The following ADCY2 variants were observed in gnomAD, a reference collection of about 807,000 sequenced individuals.
ADCY2 encodes the protein adenylate cyclase type 2.
In ADCY2, 31 loss-of-function variants were observed where a neutral mutation model predicts 125.2. The observed-to-expected ratio is 0.25, with a 90% confidence interval of 0.19 to 0.33. The LOEUF (loss-of-function observed/expected upper bound fraction) is 0.33, where lower values mean the gene tolerates loss of function less well. Ranked by LOEUF, ADCY2 falls within the 10% of genes least tolerant of loss-of-function variation. The pLI is 1.00. For synonymous variants in ADCY2, 512 were observed against 548.4 expected (o/e 0.93, Z 0.93); for missense variants, 904 against 1,418.2 (o/e 0.64, Z 5.82).
At chr5:7,776,853 G>C (rs1743743687) in intron 18 of ADCY2, among the ~76,000 whole-genome samples, 1 of 152,042 alleles carries the variant, frequency 6.6e-6, no homozygotes. Context: ...AAGGTTCTTT[G>C]GCCTTTGGAC....
At position 7,716,955 on chromosome 5, in the gene ADCY2, T is replaced by G. The variant is rs947645683; in HGVS notation, c.1623-202T>G. On this transcript the variant is annotated intron_variant, in intron 11 of 24. Coordinates refer to ENST00000338316, the MANE Select transcript of ADCY2 (RefSeq NM_020546.3). ...TTCAAAGTAGTCAGAAGAGAGAATT[T>G]GAAATGTTTCCAACACATAGAAATG... Among the ~76,000 whole-genome samples, 4 of 152,302 alleles carry G rather than the reference T, an allele frequency of 2.6e-5. No individual in the cohort carries two copies. The South Asian group carries it at 6.2e-4, about 24-fold the overall frequency.
chr5:7,616,788 T>C (rs150112364), intron 3 of ADCY2, among the ~76,000 whole-genome samples: 146 of 152,298 alleles, frequency 9.6e-4, no homozygotes, highest in African/African-American at 3.4e-3. Flanking sequence ...GCTAACCACC[T>C]CAGAATGTGA....
At chr5:7,819,264 A>G (rs1368434702) in intron 23 of ADCY2, among the ~76,000 whole-genome samples, 1 of 152,220 alleles carries the variant, frequency 6.6e-6, no homozygotes, top group African/African-American at 2.4e-5. Context: ...ACCTAGGAAC[A>G]GTACCTTGCA....
At chr5:7,707,572 T>C in intron 8 of ADCY2, 134 bp from the exon 9 acceptor site, 1 of 1,042,384 alleles carries the variant, frequency 9.6e-7, no homozygotes, top group Non-Finnish European at 1.4e-6. Context: ...GTCAATAGAA[T>C]ATAAACTTTA....
intron 15 of ADCY2, among the ~76,000 whole-genome samples, chr5:7,745,043 G>T (rs182136747): frequency 2.6e-5 from 4 of 152,142 alleles, no homozygotes; most frequent in Non-Finnish European, 5.9e-5. Context: ...TTCTGCATGC[G>T]TTTATAGTTT....
chr5:7,810,763 T>G (rs887826934), intron 22 of ADCY2, among the ~76,000 whole-genome samples: 1 of 151,970 alleles, frequency 6.6e-6, no homozygotes. Context: ...AGACTGGGAG[T>G]GTTCTCTCCA....
At chr5:7,602,099 G>C (rs79426004) in intron 3 of ADCY2, among the ~76,000 whole-genome samples, 1,700 of 152,258 alleles carry the variant, frequency 0.011, 37 homozygotes, top group African/African-American at 0.039. Context: ...AAGGACATTT[G>C]TCATTGGATT....
At chr5:7,589,054 A>AT (rs1194135430) in intron 3 of ADCY2, among the ~76,000 whole-genome samples, 1 of 152,220 alleles carries the variant, frequency 6.6e-6, no homozygotes, top group Non-Finnish European at 1.5e-5. Flanking sequence ...AACTAAAGTG[A>AT]TTAAATTTAA....
At chr5:7,418,482 GGCAGGGTGTGTGCCTCAT>G (rs1318917818) in intron 2 of ADCY2, among the ~76,000 whole-genome samples, 6 of 152,052 alleles carry the variant, frequency 3.9e-5, no homozygotes, top group African/African-American at 1.5e-4. Context: ...CAGGAGCATT[GGCAGGGTGTGTGCCTCAT>G]GCAGTGGACC....
At chr5:7,558,518 C>T (rs1207241609) in intron 3 of ADCY2, among the ~76,000 whole-genome samples, 1 of 152,118 alleles carries the variant, frequency 6.6e-6, no homozygotes, top group Non-Finnish European at 1.5e-5. Flanking sequence ...CCTTTGCCCA[C>T]TTTTTAATGG....
intron 3 of ADCY2, among the ~76,000 whole-genome samples, chr5:7,577,436 G>C (rs759620811): frequency 6.6e-6 from 1 of 152,138 alleles, no homozygotes; most frequent in Non-Finnish European, 1.5e-5. Flanking sequence ...ATGGGATTTT[G>C]ATACTCATAT....
At chr5:7,698,817 T>G (rs1205892066) in intron 7 of ADCY2, among the ~76,000 whole-genome samples, 1 of 152,212 alleles carries the variant, frequency 6.6e-6, no homozygotes, top group Non-Finnish European at 1.5e-5. Flanking sequence ...TTCCAAGACT[T>G]TGCTATTGTG....
chr5:7,422,891 A>G (rs552262609), intron 2 of ADCY2, among the ~76,000 whole-genome samples: 4 of 152,286 alleles, frequency 2.6e-5, no homozygotes, highest in East Asian at 1.9e-4. Context: ...CTTTTCCTCT[A>G]GTGCAGTCAC....
At chr5:7,751,920 T>G (rs1742837811) in intron 15 of ADCY2, among the ~76,000 whole-genome samples, 1 of 152,120 alleles carries the variant, frequency 6.6e-6, no homozygotes, top group Admixed American at 6.5e-5. Context: ...AGTCCATCAT[T>G]AAAAATAGTA....
At chr5:7,612,963 C>T (rs2126645548) in intron 3 of ADCY2, among the ~76,000 whole-genome samples, 1 of 152,202 alleles carries the variant, frequency 6.6e-6, no homozygotes, top group Admixed American at 6.5e-5. Flanking sequence ...TTGCAGTGAG[C>T]TGAGATTGCA....
At chr5:7,552,418 AT>A in intron 3 of ADCY2, among the ~76,000 whole-genome samples, 1 of 152,314 alleles carries the variant, frequency 6.6e-6, no homozygotes, top group Non-Finnish European at 1.5e-5. Context: ...GAGAAGCTGT[AT>A]TTCTTTATTG....
chr5:7,805,260 G>T (rs1744722056), intron 22 of ADCY2, among the ~76,000 whole-genome samples: 3 of 152,146 alleles, frequency 2.0e-5, no homozygotes, highest in Admixed American at 2.0e-4. Flanking sequence ...GGTGGAGGTT[G>T]CAGTGAACTG....
At chr5:7,538,956 C>T (rs576479245) in intron 3 of ADCY2, among the ~76,000 whole-genome samples, 9 of 150,460 alleles carry the variant, frequency 6.0e-5, no homozygotes, top group Non-Finnish European at 1.0e-4. Context: ...CTCTGCCTCC[C>T]GGGTTCAAGT....
At chr5:7,629,120 TG>T in intron 4 of ADCY2, among the ~76,000 whole-genome samples, 2 of 152,236 alleles carry the variant, frequency 1.3e-5, no homozygotes, top group African/African-American at 4.8e-5. Context: ...TTTCAGTCAT[TG>T]TTTAGATAAA....
Sources: gnomAD v4.1 joint callset for allele counts (sites outside exome capture counted in the v4.1 genomes callset) on GRCh38, gnomAD v4.1.1 for gene constraint, MANE v1.5 for transcripts, NCBI Gene and HGNC (gene_info 2026-07-23, HGNC 2026-07-21) for gene names.